CA8: variants seen among roughly 807,000 people sequenced by gnomAD.
CA8 encodes the protein carbonic anhydrase-related protein.
CA8 carries 22 observed loss-of-function variants against 41.4 expected under a neutral mutation model. The ratio of observed to expected loss-of-function variants is 0.53; its 90% CI spans 0.38 to 0.76. The LOEUF (loss-of-function observed/expected upper bound fraction) is 0.76, where lower values mean the gene tolerates loss of function less well. CA8 is among the 30% of genes least tolerant of loss of function. The probability of loss-of-function intolerance (pLI) is 0.00; values close to 1 mark genes in which losing one functional copy is unlikely to be tolerated. For synonymous variants in CA8, 121 were observed against 130.6 expected, an observed-to-expected ratio of 0.93 and a Z score of 0.50; for missense variants, 270 against 352.8, an observed-to-expected ratio of 0.77 and a Z score of 1.88.
rs1803729966 is a variant in CA8, at chr8:60,261,435, T to C, written c.417+4490A>G. Among the ~76,000 whole-genome samples, 3 of 152,164 alleles carry C rather than the reference T, an allele frequency of 2.0e-5. No homozygotes were observed. The South Asian group carries it at 6.2e-4, about 32-fold the overall frequency. ...TTTTTGGCAATTCACTCTTCAATCA[T>C]AGCTTTTAGGCCCAGAAGGCAAGAA... On this transcript the variant is annotated intron_variant, in intron 3 of 8. Coordinates refer to ENST00000317995, the MANE Select transcript of CA8 (RefSeq NM_004056.6).
chr8:60,195,155 A>T (rs1347292237), intron 8 of CA8, among the ~76,000 whole-genome samples: 1 of 152,196 alleles, frequency 6.6e-6, no homozygotes, highest in Non-Finnish European at 1.5e-5. Flanking sequence ...TCATAAAGAG[A>T]AATTTTCTAT....
At chr8:60,273,561 T>A (rs1287645232) in intron 2 of CA8, among the ~76,000 whole-genome samples, 1 of 152,164 alleles carries the variant, frequency 6.6e-6, no homozygotes, top group East Asian at 1.9e-4. Flanking sequence ...ATGGGGTACA[T>A]GCAGGAGAAG....
chr8:60,266,036 T>C lies in CA8; in HGVS notation c.306A>G (p.Gly102=), dbSNP rs1476000639. 1.9e-6 allele frequency: 3 copies of C among 1,613,586 alleles called. No individual in the cohort carries two copies. The highest frequency in any genetic ancestry group is 2.5e-6 in the Non-Finnish European group (3 of 1,179,694). ...CAAATTCATGCCCTTGAGGCAATGGTCCTCCCGAAAGAACTGAAAAAGAAA... is the reference window on the plus strand; with the variant it reads ...CAAATTCATGCCCTTGAGGCAATGGCCCTCCCGAAAGAACTGAAAAAGAAA... ...ILKSKSVLSG[G]PLPQGHEFEL... The change falls in exon 3 of 9, where the codon GGA becomes GGG. Residue 102 remains glycine, a synonymous_variant. Coordinates refer to ENST00000317995, the MANE Select transcript of CA8 (RefSeq NM_004056.6).
intron 8 of CA8, among the ~76,000 whole-genome samples, chr8:60,205,722 T>C (rs1806554748): frequency 6.6e-6 from 1 of 152,182 alleles, no homozygotes; most frequent in Non-Finnish European, 1.5e-5. Context: ...ATAATAAAGC[T>C]TGGTTATCAA....
chr8:60,257,734 G>A (rs1342075151), intron 3 of CA8, among the ~76,000 whole-genome samples: 14 of 152,196 alleles, frequency 9.2e-5, no homozygotes, highest in Admixed American at 5.9e-4. Flanking sequence ...ACAGTGACCC[G>A]TGACTGGTTA....
chr8:60,258,181 G>A (rs866943201), intron 3 of CA8, among the ~76,000 whole-genome samples: 3 of 152,070 alleles, frequency 2.0e-5, no homozygotes, highest in Admixed American at 6.6e-5. Context: ...ATGGTACCAC[G>A]GCAGTGCTCA....
At chr8:60,269,810 A>G (rs1804012092) in intron 2 of CA8, among the ~76,000 whole-genome samples, 1 of 152,232 alleles carries the variant, frequency 6.6e-6, no homozygotes. Flanking sequence ...TGGTTAAAAA[A>G]GTAAACTGAA....
At chr8:60,203,545 T>C (rs1806493548) in intron 8 of CA8, among the ~76,000 whole-genome samples, 1 of 152,158 alleles carries the variant, frequency 6.6e-6, no homozygotes, top group Non-Finnish European at 1.5e-5. Context: ...CTATTTTCCC[T>C]CTATTTTTAA....
intron 8 of CA8, among the ~76,000 whole-genome samples, chr8:60,201,721 C>A (rs902560702): frequency 7.2e-5 from 11 of 152,088 alleles, no homozygotes; most frequent in African/African-American, 2.7e-4. Context: ...ATAAATATGA[C>A]GTTCACAGAA....
intron 3 of CA8, among the ~76,000 whole-genome samples, chr8:60,244,344 T>C (rs1229906413): frequency 1.3e-5 from 2 of 152,204 alleles, no homozygotes; most frequent in African/African-American, 4.8e-5. Context: ...AATTATATAC[T>C]GCAAGCCTGC....
At chr8:60,234,584 T>TAA (rs1807766289) in intron 3 of CA8, among the ~76,000 whole-genome samples, 1 of 152,114 alleles carries the variant, frequency 6.6e-6, no homozygotes, top group Admixed American at 6.5e-5. Flanking sequence ...AGACAAAAAT[T>TAA]AAGAGAAATG....
intron 8 of CA8, among the ~76,000 whole-genome samples, chr8:60,200,337 C>A (rs565139753): frequency 6.6e-6 from 1 of 152,188 alleles, no homozygotes; most frequent in Non-Finnish European, 1.5e-5. Context: ...TTCCCTTCTT[C>A]GGGAGATGGC....
At chr8:60,262,590 C>T (rs755374362) in intron 3 of CA8, among the ~76,000 whole-genome samples, 1 of 152,218 alleles carries the variant, frequency 6.6e-6, no homozygotes, top group African/African-American at 2.4e-5. Context: ...CAGTGGCACA[C>T]AAATATAGTC....
At chr8:60,197,527 G>A (rs1352275321) in intron 8 of CA8, among the ~76,000 whole-genome samples, 2 of 152,116 alleles carry the variant, frequency 1.3e-5, no homozygotes, top group Admixed American at 6.5e-5. Flanking sequence ...TCTTTTAAGT[G>A]ATGAAACAAG....
At position 60,224,725 on chromosome 8, in the gene CA8, C is replaced by T. The variant is rs1807367005; in HGVS notation, c.577-140G>A. The stretch of plus-strand genomic sequence containing the variant: ...GGTCCCACAGACTTGTGGGTATCTC[C>T]TTCCACCTTCTCATTGGAGTAACAT... On this transcript the variant is annotated intron_variant, in intron 5 of 8. Transcript: ENST00000317995. 5 of 640,480 alleles carry T rather than the reference C, an allele frequency of 7.8e-6. No homozygotes were observed. The Admixed American group carries it at 9.9e-5, about 13-fold the overall frequency. The allele number at this position is 640,480 out of a possible 1,614,324, so 39.7% of individuals were successfully genotyped here.
In CA8 at chr8:60,267,532, C is replaced by A. The variant is rs932356998; in HGVS notation, c.293-1483G>T. Among the ~76,000 whole-genome samples, 4 of 152,230 alleles carry A rather than the reference C, an allele frequency of 2.6e-5. No individual in the cohort carries two copies. In the East Asian group the frequency reaches 7.7e-4, roughly 29 times the overall value. On this transcript the variant is annotated intron_variant, in intron 2 of 8. Coordinates refer to ENST00000317995, the MANE Select transcript of CA8 (RefSeq NM_004056.6). ...CATGCTTGGTCTGATTTAGGTCACACAACAAATCCAAGGGGATAGTCTCAT... is the reference window on the plus strand; with the variant it reads ...CATGCTTGGTCTGATTTAGGTCACAAAACAAATCCAAGGGGATAGTCTCAT...
intron 8 of CA8, among the ~76,000 whole-genome samples, chr8:60,193,267 T>C (rs1157531677): frequency 1.3e-5 from 2 of 152,150 alleles, no homozygotes; most frequent in African/African-American, 4.8e-5. Context: ...AGATATATCA[T>C]GCATTGTATC....
At chr8:60,246,702 T>C (rs1042647446) in intron 3 of CA8, among the ~76,000 whole-genome samples, 3 of 152,154 alleles carry the variant, frequency 2.0e-5, no homozygotes, top group Admixed American at 1.3e-4. Context: ...ATCTTTGCTG[T>C]ACATAATGTA....
chr8:60,195,663 G>A (rs1349457761), intron 8 of CA8, among the ~76,000 whole-genome samples: 2 of 152,168 alleles, frequency 1.3e-5, no homozygotes, highest in Non-Finnish European at 2.9e-5. Context: ...AGTTAGCTGT[G>A]TGTCTGATTT....
Sources: allele counts gnomAD v4.1 joint callset (sites outside exome capture counted in the v4.1 genomes callset), GRCh38; gene constraint gnomAD v4.1.1; transcripts MANE v1.5; gene names NCBI Gene and HGNC (gene_info 2026-07-23, HGNC 2026-07-21).